The following ADGRL2 variants were observed in gnomAD, a reference collection of about 807,000 sequenced individuals.
The protein encoded by ADGRL2 is calcium-independent alpha-latrotoxin receptor 2.
ADGRL2 carries 44 observed loss-of-function variants against 157.4 expected under a neutral mutation model. That is an observed-to-expected ratio of 0.28 (90% CI 0.22 to 0.36). ADGRL2 has a LOEUF of 0.36. Ranked by LOEUF, ADGRL2 falls within the 10% of genes least tolerant of loss-of-function variation. The probability of loss-of-function intolerance (pLI) is 1.00; values close to 1 mark genes in which losing one functional copy is unlikely to be tolerated. For missense variants in ADGRL2, 1,510 were observed against 1,768.9 expected, an observed-to-expected ratio of 0.85 and a Z score of 2.63; for synonymous variants, 585 against 624.7, an observed-to-expected ratio of 0.94 and a Z score of 0.95.
intron 1 of ADGRL2, among the ~76,000 whole-genome samples, chr1:81,389,516 A>G (rs989679440): frequency 6.6e-5 from 10 of 152,206 alleles, no homozygotes; most frequent in Admixed American, 2.0e-4. Context: ...TTAAGGTTAT[A>G]GAGAAATTAA....
intron 1 of ADGRL2, among the ~76,000 whole-genome samples, chr1:81,435,139 TA>T (rs1274186656): frequency 1.3e-5 from 2 of 152,282 alleles, no homozygotes; most frequent in East Asian, 3.9e-4. Flanking sequence ...CCAAACACAT[TA>T]AAAAATATTA....
intron 3 of ADGRL2, among the ~76,000 whole-genome samples, chr1:81,604,646 T>C (rs2081397722): frequency 6.6e-6 from 1 of 152,084 alleles, no homozygotes; most frequent in Non-Finnish European, 1.5e-5. Flanking sequence ...CATGGGCAAA[T>C]CAAGAGAGCT....
At chr1:81,808,032 A>G (rs1449030497) in intron 1 of ADGRL2, among the ~76,000 whole-genome samples, 1 of 151,952 alleles carries the variant, frequency 6.6e-6, no homozygotes, top group African/African-American at 2.4e-5. Context: ...AGTAGATGGA[A>G]TAAAGGAACC....
At chr1:81,615,457 C>T (rs997722026) in intron 3 of ADGRL2, among the ~76,000 whole-genome samples, 18 of 152,202 alleles carry the variant, frequency 1.2e-4, no homozygotes, top group South Asian at 4.1e-4. Flanking sequence ...TAACACTCAC[C>T]GCGAAGGTCT....
intron 1 of ADGRL2, among the ~76,000 whole-genome samples, chr1:81,825,023 C>T (rs2091339065): frequency 6.7e-6 from 1 of 150,002 alleles, no homozygotes; most frequent in South Asian, 2.1e-4. Flanking sequence ...TTCATTCCAG[C>T]CCCAGTTGCA....
At chr1:81,354,893 A>G (rs927766041) in intron 1 of ADGRL2, among the ~76,000 whole-genome samples, 1 of 152,176 alleles carries the variant, frequency 6.6e-6, no homozygotes, top group African/African-American at 2.4e-5. Context: ...ATGGCATTTA[A>G]CCCGTGGCTG....
chr1:81,881,137 T>C (rs140573475), intron 2 of ADGRL2, among the ~76,000 whole-genome samples: 205 of 152,260 alleles, frequency 1.3e-3, no homozygotes, highest in Admixed American at 4.5e-3. Flanking sequence ...TTTATATATA[T>C]ATATTTTTGG....
chr1:81,403,036 A>T (rs1253960390), intron 1 of ADGRL2, among the ~76,000 whole-genome samples: 1 of 152,238 alleles, frequency 6.6e-6, no homozygotes, highest in Non-Finnish European at 1.5e-5. Context: ...AATATGTAAT[A>T]AAAACTGTGA....
rs577245538 is a variant in ADGRL2 at position 81,960,573 on chromosome 1, CAAGT to C, written c.2017+4514_2017+4517del. On this transcript the variant is annotated intron_variant, in intron 11 of 23. Coordinates refer to ENST00000686636, the MANE Select transcript of ADGRL2 (RefSeq NM_001366006.2). Reference sequence around the variant, plus strand: ...CACTGCAACCTTCGCTTCCTGGGTTCAAGTGATTCTCCTACCTCGGCCTCCCGAG... The same window carrying C: ...CACTGCAACCTTCGCTTCCTGGGTTCGATTCTCCTACCTCGGCCTCCCGAG... Among the ~76,000 whole-genome samples, 148 of 151,614 alleles carry C rather than the reference CAAGT, an allele frequency of 9.8e-4. 2 individuals carry two copies. Among genetic ancestry groups the C allele is most frequent in the African/African-American group, 3.5e-3 (143 of 41,336 alleles).
At chr1:81,695,288 A>G (rs1303546594), upstream of ADGRL2, among the ~76,000 whole-genome samples, 1 of 151,692 alleles carries the variant, frequency 6.6e-6, no homozygotes, top group Non-Finnish European at 1.5e-5. Flanking sequence ...TTTTTAATAA[A>G]TCATAAATAT....
chr1:81,676,804 A>C (rs1454115803), intron 3 of ADGRL2, among the ~76,000 whole-genome samples: 1 of 151,094 alleles, frequency 6.6e-6, no homozygotes, highest in East Asian at 2.0e-4. Flanking sequence ...CTCCTGCCTC[A>C]GCCTCCCAAG....
intron 2 of ADGRL2, among the ~76,000 whole-genome samples, chr1:81,455,975 T>C (rs1368133620): frequency 1.3e-5 from 2 of 152,206 alleles, no homozygotes; most frequent in Non-Finnish European, 2.9e-5. Flanking sequence ...CCAGAAATTA[T>C]AGTTGTAAGT....
At chr1:81,458,679 G>C (rs1174494638) in intron 2 of ADGRL2, among the ~76,000 whole-genome samples, 1 of 152,212 alleles carries the variant, frequency 6.6e-6, no homozygotes, top group African/African-American at 2.4e-5. Context: ...TCCATGTTGG[G>C]CACCAGTGTT....
At chr1:81,920,534 A>G (rs1313989952) in intron 3 of ADGRL2, among the ~76,000 whole-genome samples, 1 of 152,120 alleles carries the variant, frequency 6.6e-6, no homozygotes, top group Non-Finnish European at 1.5e-5. Flanking sequence ...GGCAGCCCCC[A>G]GTGAATCCCA....
At chr1:81,408,744 T>G (rs2076898559) in intron 1 of ADGRL2, among the ~76,000 whole-genome samples, 1 of 152,214 alleles carries the variant, frequency 6.6e-6, no homozygotes, top group Admixed American at 6.5e-5. Context: ...AACTGAACAA[T>G]GTAAACTAAA....
At chr1:81,535,470 C>G (rs1448575582) in intron 2 of ADGRL2, among the ~76,000 whole-genome samples, 1 of 152,002 alleles carries the variant, frequency 6.6e-6, no homozygotes. Context: ...TCAGACTTCT[C>G]TCTGAATGGT....
At chr1:81,354,660 G>T (rs1029965353) in intron 1 of ADGRL2, among the ~76,000 whole-genome samples, 1 of 152,126 alleles carries the variant, frequency 6.6e-6, no homozygotes, top group Admixed American at 6.5e-5. Flanking sequence ...CTGTACTCAT[G>T]CATTCATGTG....
intron 3 of ADGRL2, among the ~76,000 whole-genome samples, chr1:81,605,816 A>G (rs1053388805): frequency 6.6e-6 from 1 of 152,210 alleles, no homozygotes; most frequent in African/African-American, 2.4e-5. Context: ...GAAAATAGCC[A>G]TGCAAATTAC....
chr1:81,709,379 G>C (rs1372187989), intron 1 of ADGRL2, among the ~76,000 whole-genome samples: 1 of 152,126 alleles, frequency 6.6e-6, no homozygotes, highest in South Asian at 2.1e-4. Context: ...TTTCCTGCAA[G>C]AGACTATCTC....
Sources: gnomAD v4.1 joint callset for allele counts (sites outside exome capture counted in the v4.1 genomes callset) on GRCh38, gnomAD v4.1.1 for gene constraint, MANE v1.5 for transcripts, NCBI Gene and HGNC (gene_info 2026-07-23, HGNC 2026-07-21) for gene names.